The following EMP1 variants were observed in gnomAD, a reference collection of about 807,000 sequenced individuals.
The protein encoded by EMP1 is epithelial membrane protein 1, also known as tumor-associated membrane protein.
Under a neutral mutation model 15.7 loss-of-function variants are expected in EMP1, and 5 were observed. That is an observed-to-expected ratio of 0.32 (90% CI 0.17 to 0.67). The LOEUF (loss-of-function observed/expected upper bound fraction) is 0.67. Ranked by LOEUF, EMP1 falls within the 30% of genes least tolerant of loss-of-function variation. EMP1 has a pLI of 0.74. For synonymous variants in EMP1, 78 were observed against 76.7 expected (o/e 1.02, Z -0.09); for missense variants, 166 against 194.2 (o/e 0.85, Z 0.86).
rs1447614301 is a variant in EMP1, at chr12:13,215,466, C to T, written c.*775C>T. On this transcript the variant is annotated 3_prime_UTR_variant, in exon 5 of 5. Transcript: ENST00000256951. The stretch of plus-strand genomic sequence containing the variant: ...CTCTTCTGGAGTTTCTCTAAAGTCA[C>T]TAGTGAACAATTCGGTGGTAAAAGT... The T allele has an allele frequency of 6.6e-6, 1 of 152,216 alleles. No individual in the cohort carries two copies. The highest frequency in any genetic ancestry group is 1.5e-5 in the Non-Finnish European group (1 of 68,078). The allele number at this position is 152,216 out of a possible 1,614,324, so 9.4% of individuals were successfully genotyped here. A position where few individuals can be genotyped will look rare whatever the true frequency, so the allele number is the denominator to read the frequency against.
At chr12:13,204,083 T>G (rs1041262561) in intron 1 of EMP1, among the ~76,000 whole-genome samples, 57 of 152,216 alleles carry the variant, frequency 3.7e-4, no homozygotes, top group Non-Finnish European at 1.2e-4. Context: ...CCTGTTACTT[T>G]TGCTGCTTGA....
chr12:13,197,070 A>T (rs1864021345), intron 1 of EMP1, among the ~76,000 whole-genome samples, 198 bp downstream of exon 1: 1 of 152,232 alleles, frequency 6.6e-6, no homozygotes, highest in South Asian at 2.1e-4. Flanking sequence ...GAAAGTTCAG[A>T]AAAGTGTATT....
At position 13,216,232 on chromosome 12, in the gene EMP1, C is replaced by T; in HGVS notation, c.*1541C>T. ...CCCAGGGAGAATCTGAGACATCTTG[C>T]CTACTTTTCTTTATTAGCTTTCTCC... On this transcript the variant is annotated 3_prime_UTR_variant, in exon 5 of 5. Transcript: ENST00000256951. 1.7e-6 allele frequency: 1 copy of T among 598,918 alleles called. No individual in the cohort carries two copies. The highest frequency in any genetic ancestry group is 2.0e-5 in the South Asian group (1 of 49,498). 37.1% of individuals were successfully genotyped at this position (598,918 alleles called of 1,614,324 possible).
chr12:13,209,503 G>T (rs1485468570), intron 1 of EMP1: 2 of 152,180 alleles, frequency 1.3e-5, no homozygotes, highest in African/African-American at 4.8e-5. Context: ...GAGTAACTGG[G>T]TTGGGTTGGC....
At chr12:13,198,889 C>T (rs536046885) in intron 1 of EMP1, among the ~76,000 whole-genome samples, 29 of 152,272 alleles carry the variant, frequency 1.9e-4, no homozygotes, top group African/African-American at 7.0e-4. Flanking sequence ...AGTCCCTTAG[C>T]TGTGAGAGTT....
At chr12:13,202,564 C>T (rs1049736585) in intron 1 of EMP1, among the ~76,000 whole-genome samples, 1 of 152,034 alleles carries the variant, frequency 6.6e-6, no homozygotes, top group Non-Finnish European at 1.5e-5. Flanking sequence ...CTGGAGCTTC[C>T]CTTTATTGAA....
chr12:13,216,682 G>A lies in EMP1; in HGVS notation c.*1991G>A, dbSNP rs1003330365. 3.2e-5 allele frequency: 15 copies of A among 473,376 alleles called. No homozygotes were observed. The highest frequency in any genetic ancestry group is 1.2e-4 in the South Asian group (3 of 25,892). 29.3% of individuals were successfully genotyped at this position (473,376 alleles called of 1,614,324 possible). On this transcript the variant is annotated 3_prime_UTR_variant, in exon 5 of 5. Coordinates refer to ENST00000256951, the MANE Select transcript of EMP1 (RefSeq NM_001423.3). The stretch of plus-strand genomic sequence containing the variant: ...TTCTAGTACTGTATTGGGCTTCTTC[G>A]TTAATAGATTATTTCATATACTATA...
intron 1 of EMP1, among the ~76,000 whole-genome samples, chr12:13,202,460 G>T (rs982138007): frequency 3.9e-5 from 6 of 152,180 alleles, no homozygotes; most frequent in Non-Finnish European, 7.3e-5. Context: ...GCTGGAGAAG[G>T]GGAGTTGGAC....
intron 1 of EMP1, among the ~76,000 whole-genome samples, chr12:13,206,303 C>T (rs1864110266): frequency 6.6e-6 from 1 of 152,210 alleles, no homozygotes; most frequent in Non-Finnish European, 1.5e-5. Context: ...GATCCATACC[C>T]TGCTTCTCAG....
chr12:13,207,542 C>T (rs1864121390), intron 1 of EMP1, among the ~76,000 whole-genome samples: 1 of 152,146 alleles, frequency 6.6e-6, no homozygotes, highest in African/African-American at 2.4e-5. Flanking sequence ...TAGGGAACTG[C>T]AAGCCTGTCC....
At position 13,219,936 on chromosome 12, in the gene EMP1, A is replaced by T. The variant is rs1356146707; in HGVS notation, c.*5245A>T. The T allele has an allele frequency of 6.6e-6, 1 of 152,234 alleles. No individual in the cohort carries two copies. The highest frequency in any genetic ancestry group is 6.5e-5 in the Admixed American group (1 of 15,284). The allele number at this position is 152,234 out of a possible 1,614,324, so 9.4% of individuals were successfully genotyped here. ...TTAATAATCATTAAACTTATTTTCA[A>T]TGAGATACGACTGTTTAAATTCTGA... On this transcript the variant is annotated 3_prime_UTR_variant, in exon 5 of 5. Coordinates refer to ENST00000256951, the MANE Select transcript of EMP1 (RefSeq NM_001423.3).
In EMP1 at chr12:13,218,189, C is replaced by G. The variant is rs1864231330; in HGVS notation, c.*3498C>G. The stretch of plus-strand genomic sequence containing the variant: ...ATCAAATGGTTAATAGATAAAGATC[C>G]CACTCTGCCTTGGATTTAGCCATCG... On this transcript the variant is annotated 3_prime_UTR_variant, in exon 5 of 5. Transcript: ENST00000256951. The G allele has an allele frequency of 6.6e-6, 1 of 152,074 alleles. No homozygotes were observed. Among genetic ancestry groups the G allele is most frequent in the Non-Finnish European group, 1.5e-5 (1 of 68,012 alleles). The allele number at this position is 152,074 out of a possible 1,614,324, so 9.4% of individuals were successfully genotyped here.
chr12:13,207,992 G>C (rs1158496489), intron 1 of EMP1, among the ~76,000 whole-genome samples: 1 of 152,176 alleles, frequency 6.6e-6, no homozygotes, highest in East Asian at 1.9e-4. Flanking sequence ...GCAATGCTGT[G>C]ATTCTCTGCA....
intron 1 of EMP1, among the ~76,000 whole-genome samples, chr12:13,198,951 C>T (rs185515988): frequency 2.6e-5 from 4 of 152,084 alleles, no homozygotes; most frequent in East Asian, 3.9e-4. Context: ...ATTTTTCCCC[C>T]CCACTCTGCC....
intron 1 of EMP1, among the ~76,000 whole-genome samples, chr12:13,201,683 G>A (rs1004189855): frequency 3.9e-5 from 6 of 152,034 alleles, no homozygotes; most frequent in Admixed American, 3.3e-4. Flanking sequence ...GGTGTTCCCC[G>A]GACTTACCCT....
At position 13,216,370 on chromosome 12, in the gene EMP1, G is replaced by GGAAATGTT. The variant is rs1864215523; in HGVS notation, c.*1682_*1689dup. 1 of 702,128 alleles carries GGAAATGTT rather than the reference G, an allele frequency of 1.4e-6. No individual in the cohort carries two copies. The highest frequency in any genetic ancestry group is 2.0e-5 in the Admixed American group (1 of 49,952). 43.5% of individuals were successfully genotyped at this position (702,128 alleles called of 1,614,324 possible). A position where few individuals can be genotyped will look rare whatever the true frequency, so the allele number is the denominator to read the frequency against. On this transcript the variant is annotated 3_prime_UTR_variant, in exon 5 of 5. Coordinates refer to ENST00000256951, the MANE Select transcript of EMP1 (RefSeq NM_001423.3). ...ATTTCTCTATGTTTATTCTAGTTAA[G>GGAAATGTT]GAAATGTTGAGGGCAAGCCACCAAA... is the stretch of plus-strand genomic sequence containing the variant.
intron 1 of EMP1, among the ~76,000 whole-genome samples, chr12:13,203,778 T>G (rs999653959): frequency 4.6e-5 from 7 of 152,386 alleles, no homozygotes; most frequent in African/African-American, 1.4e-4. Flanking sequence ...CTTTGAACTC[T>G]GTGCCTGTAG....
chr12:13,198,042 C>T (rs1864030191), intron 1 of EMP1, among the ~76,000 whole-genome samples: 1 of 152,122 alleles, frequency 6.6e-6, no homozygotes, highest in Non-Finnish European at 1.5e-5. Flanking sequence ...GCTTTCACCC[C>T]AGAAAGAGCT....
Position 13,216,872 on chromosome 12 carries a change from T to C in EMP1, c.*2181T>C, listed in dbSNP as rs1864220970. 6.2e-6 allele frequency: 1 copy of C among 161,140 alleles called. No homozygotes were observed. Among genetic ancestry groups the C allele is most frequent in the Non-Finnish European group, 1.4e-5 (1 of 73,586 alleles). The allele number at this position is 161,140 out of a possible 1,614,324, so 10.0% of individuals were successfully genotyped here. On this transcript the variant is annotated 3_prime_UTR_variant, in exon 5 of 5. Transcript: ENST00000256951. Reference sequence around the variant, plus strand: ...TGCCTATCAGTTTGATTTGGACAACTTGACATTTATTTGAGACATTAAGCT... The same window carrying C: ...TGCCTATCAGTTTGATTTGGACAACCTGACATTTATTTGAGACATTAAGCT...
Sources: gnomAD v4.1 joint callset for allele counts (sites outside exome capture counted in the v4.1 genomes callset) on GRCh38, gnomAD v4.1.1 for gene constraint, MANE v1.5 for transcripts, NCBI Gene and HGNC (gene_info 2026-07-23, HGNC 2026-07-21) for gene names.